PRKAA2: variants seen among roughly 807,000 people sequenced by gnomAD.
The protein encoded by PRKAA2 is 5'-AMP-activated protein kinase catalytic subunit alpha-2.
PRKAA2 carries 40 observed loss-of-function variants against 56.3 expected under a neutral mutation model. The ratio of observed to expected loss-of-function variants is 0.71; its 90% CI spans 0.55 to 0.92. PRKAA2 has a LOEUF of 0.92. Among genes scored for constraint, PRKAA2 ranks in the 40% least tolerant of loss-of-function variants. PRKAA2 has a pLI of 0.00. For missense variants in PRKAA2, 542 were observed against 686.9 expected (o/e 0.79, Z 2.36); for synonymous variants, 214 against 234.2 (o/e 0.91, Z 0.79).
chr1:56,674,631 A>G lies in PRKAA2; in HGVS notation c.236+109A>G, dbSNP rs932409905. The G allele has an allele frequency of 1.0e-5, 10 of 997,352 alleles. No homozygotes were observed. In the East Asian group the frequency reaches 2.9e-4, roughly 29 times the overall value. 61.8% of individuals were successfully genotyped at this position (997,352 alleles called of 1,614,324 possible). ...TAACCTTTTACAAAGATTTTTTTTC[A>G]TGTTCATATTCAGCAAGTGTTAATT... is the stretch of plus-strand genomic sequence containing the variant. On this transcript the variant is annotated intron_variant, in intron 2 of 8. Coordinates refer to ENST00000371244, the MANE Select transcript of PRKAA2 (RefSeq NM_006252.4).
chr1:56,681,261 T>G (rs1644153426), intron 2 of PRKAA2, among the ~76,000 whole-genome samples: 2 of 152,226 alleles, frequency 1.3e-5, no homozygotes, highest in Non-Finnish European at 2.9e-5. Context: ...TATTAGCCCT[T>G]TGTCAGATGG....
At position 56,714,837 on chromosome 1, in the gene PRKAA2, C is replaced by G. The variant is rs574903711; in HGVS notation, c.*7124C>G. Reference sequence around the variant, plus strand: ...AGCCATTTGGTTGTGTCATGACAATCATAATATAGGATATAATATTTACTT... The same window carrying G: ...AGCCATTTGGTTGTGTCATGACAATGATAATATAGGATATAATATTTACTT... On this transcript the variant is annotated 3_prime_UTR_variant, in exon 9 of 9. Transcript: ENST00000371244. 2.0e-5 allele frequency: 3 copies of G among 151,970 alleles called. No homozygotes were observed. The East Asian group carries it at 5.8e-4, about 29-fold the overall frequency. 9.4% of individuals were successfully genotyped at this position (151,970 alleles called of 1,614,324 possible).
At chr1:56,703,399 T>C (rs1644309221) in intron 6 of PRKAA2, among the ~76,000 whole-genome samples, 1 of 152,166 alleles carries the variant, frequency 6.6e-6, no homozygotes, top group African/African-American at 2.4e-5. Flanking sequence ...GAAGAATTAC[T>C]TTATATCAAA....
In PRKAA2 at chr1:56,703,833, A is replaced by T. The variant is rs1644313120; in HGVS notation, c.789-138A>T. The T allele has an allele frequency of 1.2e-5, 11 of 922,174 alleles. No individual in the cohort carries two copies. In the East Asian group the frequency reaches 2.8e-4, roughly 23 times the overall value. The allele number at this position is 922,174 out of a possible 1,614,324, so 57.1% of individuals were successfully genotyped here. A position where few individuals can be genotyped will look rare whatever the true frequency, so the allele number is the denominator to read the frequency against. On this transcript the variant is annotated intron_variant, in intron 6 of 8. Transcript: ENST00000371244. ...GTGGTGGGTAATTAACTTGCTCAGG[A>T]TCACATAGCTAGTAAGTGGCAGAGC...
chr1:56,681,636 T>G (rs1346035202), intron 2 of PRKAA2, among the ~76,000 whole-genome samples: 1 of 152,230 alleles, frequency 6.6e-6, no homozygotes, highest in Non-Finnish European at 1.5e-5. Flanking sequence ...TTCTTGTTTT[T>G]GTCAGGTTTG....
intron 1 of PRKAA2, among the ~76,000 whole-genome samples, chr1:56,662,374 A>G (rs1449860981): frequency 6.6e-6 from 1 of 152,086 alleles, no homozygotes; most frequent in Non-Finnish European, 1.5e-5. Flanking sequence ...ATGGAATTAA[A>G]AGATAAAAAT....
At chr1:56,704,595 T>A in intron 7 of PRKAA2, 120 bp downstream of exon 7, 1 of 1,167,292 alleles carries the variant, frequency 8.6e-7, no homozygotes, top group Non-Finnish European at 1.2e-6. Context: ...CTATGCACAT[T>A]AAAAACAAAA....
Position 56,712,025 on chromosome 1 carries a change from A to G in PRKAA2, c.*4312A>G, listed in dbSNP as rs551471700. On this transcript the variant is annotated 3_prime_UTR_variant, in exon 9 of 9. Coordinates refer to ENST00000371244, the MANE Select transcript of PRKAA2 (RefSeq NM_006252.4). ...ACATCCATTTGGCATGAAGCAAAGC[A>G]TTACAAATTTGGAGTGATGAAAGTG... The G allele has an allele frequency of 2.0e-5, 3 of 152,190 alleles. No homozygotes were observed. 9.4% of individuals were successfully genotyped at this position (152,190 alleles called of 1,614,324 possible). A position where few individuals can be genotyped will look rare whatever the true frequency, so the allele number is the denominator to read the frequency against.
chr1:56,656,545 A>AG (rs1356710323), intron 1 of PRKAA2, among the ~76,000 whole-genome samples: 1 of 152,238 alleles, frequency 6.6e-6, no homozygotes, highest in African/African-American at 2.4e-5. Context: ...TAAAACTTAT[A>AG]GGGAAACAGA....
At chr1:56,680,811 A>G (rs1344045863) in intron 2 of PRKAA2, among the ~76,000 whole-genome samples, 1 of 152,220 alleles carries the variant, frequency 6.6e-6, no homozygotes, top group East Asian at 1.9e-4. Flanking sequence ...TAGTGCCACA[A>G]TAAACATACG....
Position 56,707,691 on chromosome 1 carries a change from T to C in PRKAA2, c.1637T>C (p.Leu546Pro). Reference sequence around the variant, plus strand: ...GATTTTTTTGAAATGTGTGCCAGTCTGATTACTACTTTAGCCCGTTGATCT... The same window carrying C: ...GATTTTTTTGAAATGTGTGCCAGTCCGATTACTACTTTAGCCCGTTGATCT... ...TMDFFEMCAS[L>P]ITTLAR Residue 546 changes from leucine (L) to proline (P), a missense_variant, in exon 9 of 9, where the codon CTG becomes CCG. Transcript: ENST00000371244. The C allele has an allele frequency of 1.2e-6, 2 of 1,602,654 alleles. No individual in the cohort carries two copies. Among genetic ancestry groups the C allele is most frequent in the Non-Finnish European group, 1.7e-6 (2 of 1,169,504 alleles).
At chr1:56,654,239 A>G (rs1254562003) in intron 1 of PRKAA2, among the ~76,000 whole-genome samples, 1 of 152,092 alleles carries the variant, frequency 6.6e-6, no homozygotes, top group Non-Finnish European at 1.5e-5. Context: ...ACCATGCTTT[A>G]TCTTGCTTCT....
At chr1:56,672,202 C>T (rs1476351403) in intron 1 of PRKAA2, among the ~76,000 whole-genome samples, 1 of 152,142 alleles carries the variant, frequency 6.6e-6, no homozygotes, top group Non-Finnish European at 1.5e-5. Flanking sequence ...ACTACAACCT[C>T]CGCCTCCCAG....
chr1:56,660,581 A>G (rs893854202), intron 1 of PRKAA2, among the ~76,000 whole-genome samples: 21 of 152,098 alleles, frequency 1.4e-4, no homozygotes, highest in African/African-American at 4.6e-4. Flanking sequence ...CATTTCTCAA[A>G]TCTAATGCTA....
chr1:56,694,481 C>CA (rs1329833450), intron 5 of PRKAA2, among the ~76,000 whole-genome samples: 1 of 152,044 alleles, frequency 6.6e-6, no homozygotes, highest in African/African-American at 2.4e-5. Flanking sequence ...TATCTTAGTC[C>CA]ATTTGGGCTG....
At chr1:56,645,528 G>T in intron 1 of PRKAA2, 47 bp downstream of exon 1, 1 of 1,422,118 alleles carries the variant, frequency 7.0e-7, no homozygotes. Context: ...CTGACTTGCG[G>T]GAGGCCGAGG....
In PRKAA2 at chr1:56,652,088, C is replaced by T. The variant is rs186053396; in HGVS notation, c.94+6607C>T. 6.0e-5 allele frequency among the ~76,000 whole-genome samples: 9 copies of T among 150,072 alleles called. No homozygotes were observed. The East Asian group carries it at 1.4e-3, about 23-fold the overall frequency. On this transcript the variant is annotated intron_variant, in intron 1 of 8. Coordinates refer to ENST00000371244, the MANE Select transcript of PRKAA2 (RefSeq NM_006252.4). ...AGTGCAGTGGCGCGATCTCGGCTCA[C>T]TACAACCTCTGCCTCCTGGGTTCAA... is the stretch of plus-strand genomic sequence containing the variant.
rs1279173170 is a variant in PRKAA2, at chr1:56,714,829, A to G, written c.*7116A>G. 1 of 152,178 alleles carries G rather than the reference A, an allele frequency of 6.6e-6. No homozygotes were observed. The highest frequency in any genetic ancestry group is 1.5e-5 in the Non-Finnish European group (1 of 68,002). The allele number at this position is 152,178 out of a possible 1,614,324, so 9.4% of individuals were successfully genotyped here. On this transcript the variant is annotated 3_prime_UTR_variant, in exon 9 of 9. Transcript: ENST00000371244. ...CTGAAAACAGCCATTTGGTTGTGTC[A>G]TGACAATCATAATATAGGATATAAT...
intron 1 of PRKAA2, among the ~76,000 whole-genome samples, chr1:56,651,824 T>C (rs1190796069): frequency 3.3e-5 from 5 of 152,034 alleles, no homozygotes; most frequent in Non-Finnish European, 7.4e-5. Flanking sequence ...GATTTCAGTG[T>C]GTTTACTGAT....
Sources: allele counts gnomAD v4.1 joint callset (sites outside exome capture counted in the v4.1 genomes callset), GRCh38; gene constraint gnomAD v4.1.1; transcripts MANE v1.5; gene names NCBI Gene and HGNC (gene_info 2026-07-23, HGNC 2026-07-21).